Variants in TBXAS1 observed in about 807,000 individuals in gnomAD.
TBXAS1 encodes thromboxane-A synthase.
TBXAS1 carries 48 observed loss-of-function variants against 60.7 expected under a neutral mutation model. That is an observed-to-expected ratio of 0.79 (90% CI 0.63 to 1.01). TBXAS1 has a LOEUF of 1.01. Ranked by LOEUF, TBXAS1 falls within the 50% of genes least tolerant of loss-of-function variation. The probability of loss-of-function intolerance (pLI) is 0.00; values close to 1 mark genes in which losing one functional copy is unlikely to be tolerated. For synonymous variants in TBXAS1, 287 were observed against 269.7 expected (o/e 1.06, Z -0.63); for missense variants, 685 against 686.3 (o/e 1.00, Z 0.02).
chr7:139,914,201 A>T (rs116616586), intron 4 of TBXAS1, among the ~76,000 whole-genome samples: 3,942 of 146,230 alleles, frequency 0.027, 102 homozygotes, highest in African/African-American at 0.071. Context: ...GGCTAATTTT[A>T]AAAAAAAAAA....
At chr7:139,966,392 C>T (rs750762989) in intron 9 of TBXAS1, among the ~76,000 whole-genome samples, 1 of 152,074 alleles carries the variant, frequency 6.6e-6, no homozygotes, top group Non-Finnish European at 1.5e-5. Context: ...GTTTACTGAC[C>T]CCTATAACTG....
rs1814767764 is a variant in TBXAS1, at chr7:140,013,382, T to C, written c.1227-2341T>C. Among the ~76,000 whole-genome samples the C allele has an allele frequency of 6.6e-6, 1 of 152,210 alleles. No homozygotes were observed. On this transcript the variant is annotated intron_variant, in intron 10 of 12. Transcript: ENST00000448866. This position sits in a 1 kb window ranked among gnomAD's most constrained non-coding sequence, Gnocchi z 4.2. ...AAGTCACTGACACAGGTGGTCTCGA[T>C]GCTCACTCCAAGAGTTGAGTTGTGT... is the stretch of plus-strand genomic sequence containing the variant.
chr7:139,818,418 C>T (rs983530723), intron 4 of TBXAS1, among the ~76,000 whole-genome samples: 1 of 152,140 alleles, frequency 6.6e-6, no homozygotes, highest in African/African-American at 2.4e-5. Context: ...AAGGTGTTGG[C>T]CAGGCTGTTC....
At chr7:139,978,135 T>G (rs767877834) in intron 9 of TBXAS1, among the ~76,000 whole-genome samples, 1 of 152,158 alleles carries the variant, frequency 6.6e-6, no homozygotes, top group Non-Finnish European at 1.5e-5. Flanking sequence ...AAACATCTCA[T>G]TTCTAGCATG....
Position 139,778,621 on chromosome 7 carries a change from GC to G in TBXAS1, c.-318+151del, listed in dbSNP as rs1360697421. 2.0e-5 allele frequency: 3 copies of G among 152,470 alleles called. No homozygotes were observed. Among genetic ancestry groups the G allele is most frequent in the Admixed American group, 6.5e-5 (1 of 15,276 alleles). The allele number at this position is 152,470 out of a possible 1,614,324, so 9.4% of individuals were successfully genotyped here. A position where few individuals can be genotyped will look rare whatever the true frequency, so the allele number is the denominator to read the frequency against. On this transcript the variant is annotated intron_variant, in intron 1 of 16. Coordinates refer to the TBXAS1 transcript ENST00000336425. This position sits in a 1 kb window ranked among gnomAD's most constrained non-coding sequence, Gnocchi z 4.8. ...CGGAAATGCAGCCCCCGGGGTGGTCGCTGGGTTCCTGCCGGAGTCTGGCTTC... is the reference window on the plus strand; with the variant it reads ...CGGAAATGCAGCCCCCGGGGTGGTCGTGGGTTCCTGCCGGAGTCTGGCTTC...
chr7:140,010,254 G>A (rs1403227142), intron 10 of TBXAS1, among the ~76,000 whole-genome samples: 2 of 152,180 alleles, frequency 1.3e-5, no homozygotes, highest in Admixed American at 6.5e-5. Flanking sequence ...ATTTGGGGGT[G>A]AATGTAGGGA....
chr7:139,905,707 G>A (rs1805022473), intron 3 of TBXAS1, among the ~76,000 whole-genome samples: 1 of 152,156 alleles, frequency 6.6e-6, no homozygotes, highest in African/African-American at 2.4e-5. Flanking sequence ...ATTCTTCTTT[G>A]AATGTCTGGT....
intron 4 of TBXAS1, among the ~76,000 whole-genome samples, chr7:139,823,358 A>C (rs77087919): frequency 6.6e-6 from 1 of 151,954 alleles, no homozygotes; most frequent in Non-Finnish European, 1.5e-5. Context: ...GTGATTATTC[A>C]ATAAGTGTTT....
chr7:139,829,371 T>C lies in TBXAS1; in HGVS notation c.-20T>C, dbSNP rs780432038. ...CCTGTCTCATCTGGAAGACCACCAC[T>C]CTGGGGTCTCAGAGGAATGATGGAA... On this transcript the variant is annotated 5_prime_UTR_variant, in exon 1 of 13. Transcript: ENST00000448866. 5.0e-6 allele frequency: 8 copies of C among 1,610,262 alleles called. No homozygotes were observed. In the South Asian group the frequency reaches 7.8e-5, roughly 16 times the overall value.
chr7:139,961,977 G>A lies in TBXAS1; in HGVS notation c.878G>A (p.Gly293Asp), dbSNP rs758689918. 6.2e-7 allele frequency: 1 copy of A among 1,614,240 alleles called. No homozygotes were observed. The highest frequency in any genetic ancestry group is 1.1e-5 in the South Asian group (1 of 91,088). ...GCCCGACATTCTGCAAGTCCCATGG[G>A]CGTGCAAGACTTTGACATCGTCAGA... ...LDARHSASPM[G>D]VQDFDIVRDV... The change falls in exon 9 of 13, where the codon GGC (glycine) becomes GAC (aspartate). Residue 293 changes from glycine (G) to aspartate (D), a missense_variant. Transcript: ENST00000448866.
intron 8 of TBXAS1, among the ~76,000 whole-genome samples, chr7:139,960,830 CA>C (rs1810274780): frequency 6.6e-6 from 1 of 151,994 alleles, no homozygotes; most frequent in South Asian, 2.1e-4. Context: ...GAAAATGCTG[CA>C]GCTAGCAGAG....
At chr7:139,918,577 G>A (rs893036413) in intron 4 of TBXAS1, among the ~76,000 whole-genome samples, 5 of 152,238 alleles carry the variant, frequency 3.3e-5, no homozygotes, top group South Asian at 4.2e-4. Flanking sequence ...TCCCTTCCCC[G>A]CTCAGGAGGG....
At chr7:139,986,783 GTGTGTGTGTGTGTGTGTATATATATA>G (rs1812512550) in intron 9 of TBXAS1, among the ~76,000 whole-genome samples, 1 of 50,658 alleles carries the variant, frequency 2.0e-5, no homozygotes, top group South Asian at 7.5e-4. Context: ...GTGTGTGTGT[GTGTGTGTGTGTGTGTGTATATATATA>G]TATATATACA....
intron 3 of TBXAS1, among the ~76,000 whole-genome samples, chr7:139,882,654 C>A (rs1033930763): frequency 2.0e-5 from 3 of 152,152 alleles, no homozygotes; most frequent in African/African-American, 7.2e-5. Flanking sequence ...ACACAATACC[C>A]TTGAAACAGT....
chr7:139,989,434 C>T (rs1225627859), intron 9 of TBXAS1, among the ~76,000 whole-genome samples: 1 of 152,230 alleles, frequency 6.6e-6, no homozygotes, highest in East Asian at 1.9e-4. Context: ...GGCTGAAACT[C>T]CCCATGTCTA....
intron 12 of TBXAS1, among the ~76,000 whole-genome samples, chr7:140,019,010 C>T (rs1815321301): frequency 6.6e-6 from 1 of 152,220 alleles, no homozygotes; most frequent in African/African-American, 2.4e-5. Context: ...TCCCCTGCAC[C>T]TATCCTCATG....
At chr7:139,818,394 A>G (rs1259731538) in intron 4 of TBXAS1, among the ~76,000 whole-genome samples, 1 of 152,182 alleles carries the variant, frequency 6.6e-6, no homozygotes, top group African/African-American at 2.4e-5. Flanking sequence ...ACTTGGCTAA[A>G]TGTTCAAGGT....
intron 3 of TBXAS1, among the ~76,000 whole-genome samples, chr7:139,892,628 AAAAC>A (rs1454079542): frequency 1.3e-5 from 2 of 152,080 alleles, no homozygotes; most frequent in African/African-American, 4.8e-5. Flanking sequence ...ACAACAAAAC[AAAAC>A]AAACAAAAAA....
In TBXAS1 at chr7:139,948,670, C is replaced by G. The variant is rs183419601; in HGVS notation, c.451-4698C>G. Among the ~76,000 whole-genome samples, 3 of 152,266 alleles carry G rather than the reference C, an allele frequency of 2.0e-5. No individual in the cohort carries two copies. In the East Asian group the frequency reaches 5.8e-4, roughly 29 times the overall value. On this transcript the variant is annotated intron_variant, in intron 5 of 12. Transcript: ENST00000448866. ...AACCGAATGCATCTTTTAGTAAGAT[C>G]TGAGTGAGAATAGCATTGTGTATTC...
Sources: allele counts gnomAD v4.1 joint callset (sites outside exome capture counted in the v4.1 genomes callset), GRCh38; gene constraint gnomAD v4.1.1; non-coding constraint Gnocchi (gnomAD v3.1); transcripts MANE v1.5; gene names NCBI Gene and HGNC (gene_info 2026-07-23, HGNC 2026-07-21).